The following SSC5D variants were observed in gnomAD, a reference collection of about 807,000 sequenced individuals.
SSC5D encodes the protein scavenger receptor cysteine rich family member with 5 domains.
A neutral mutation model predicts 104.6 loss-of-function variants in SSC5D; 106 were observed. That is an observed-to-expected ratio of 1.01 (90% confidence interval 0.87 to 1.19). The LOEUF is 1.19. Among genes scored for constraint, SSC5D ranks in the 50% most tolerant of loss-of-function variants. The probability of loss-of-function intolerance (pLI) is 0.00; values close to 1 mark genes in which losing one functional copy is unlikely to be tolerated. For synonymous variants in SSC5D, 860 were observed against 883.5 expected (o/e 0.97, Z 0.47); for missense variants, 1,993 against 2,153.8 (o/e 0.93, Z 1.48).
intron 12 of SSC5D, among the ~76,000 whole-genome samples, chr19:55,501,918 CCTCATCAT>C (rs1471023386): frequency 6.6e-6 from 1 of 151,942 alleles, no homozygotes; most frequent in African/African-American, 2.4e-5. Flanking sequence ...CATTTCTCAC[CCTCATCAT>C]CTCTATCTCT....
intron 12 of SSC5D, among the ~76,000 whole-genome samples, chr19:55,511,757 G>T (rs1252472918): frequency 6.6e-6 from 1 of 152,134 alleles, no homozygotes; most frequent in African/African-American, 2.4e-5. Context: ...TATGAAGGAA[G>T]ATGGTGTCTG....
intron 9 of SSC5D, among the ~76,000 whole-genome samples, chr19:55,498,546 C>A (rs4801703): frequency 0.4 from 61,403 of 151,976 alleles, 12,814 homozygotes; most frequent in South Asian, 0.56. Flanking sequence ...AGCTTTCCTA[C>A]GATGAAAGGA....
intron 12 of SSC5D, among the ~76,000 whole-genome samples, chr19:55,510,939 C>T (rs1164413728): frequency 4.6e-5 from 7 of 152,022 alleles, no homozygotes; most frequent in African/African-American, 1.7e-4. Flanking sequence ...CCACCATGCC[C>T]AGCTAATTTT....
rs1987488722 is a variant in SSC5D at position 55,501,073 on chromosome 19, A to AC, written c.2661dup (p.Thr888HisfsTer30). On this transcript the variant is annotated frameshift_variant, in exon 12 of 14. Transcript: ENST00000389623. LOFTEE classifies it high-confidence loss of function. ...GACGATTATCCCCCCTGGACCTGGGACCCCACCTCAAGAGAGGACCTGGCC... is the reference window on the plus strand; with the variant it reads ...GACGATTATCCCCCCTGGACCTGGGACCCCCACCTCAAGAGAGGACCTGGCC... 1 of 1,551,586 alleles carries AC rather than the reference A, an allele frequency of 6.4e-7. No homozygotes were observed. The highest frequency in any genetic ancestry group is 1.4e-5 in the African/African-American group (1 of 72,960).
At chr19:55,506,435 C>T (rs1177420585) in intron 12 of SSC5D, among the ~76,000 whole-genome samples, 2 of 113,638 alleles carry the variant, frequency 1.8e-5, no homozygotes, top group African/African-American at 6.8e-5. Context: ...CGCTCTGTCG[C>T]CCAGGCTGGA....
intron 8 of SSC5D, among the ~76,000 whole-genome samples, chr19:55,495,233 A>ATATATATTTTTTT (rs1555765051): frequency 1.2e-4 from 6 of 50,664 alleles, no homozygotes; most frequent in African/African-American, 4.9e-4. Context: ...ATATATATAT[A>ATATATATTTTTTT]TTTTTTTTTT....
At chr19:55,514,459 G>A (rs1337536229) in intron 13 of SSC5D, among the ~76,000 whole-genome samples, 4 of 130,148 alleles carry the variant, frequency 3.1e-5, no homozygotes, top group Admixed American at 7.9e-5. Flanking sequence ...AATAATAATA[G>A]GTGTGGTGGC....
intron 12 of SSC5D, among the ~76,000 whole-genome samples, chr19:55,501,554 C>T (rs186011686): frequency 2.6e-4 from 40 of 152,326 alleles, no homozygotes; most frequent in Non-Finnish European, 1.9e-4. Context: ...CCAGAGCAAG[C>T]GAAACCTCAC....
intron 7 of SSC5D, 72 bp downstream of exon 7, chr19:55,493,984 G>GGGC (rs1244003362): frequency 1.7e-5 from 5 of 296,458 alleles, no homozygotes; most frequent in African/African-American, 5.8e-5. Flanking sequence ...AGTTCGGCGG[G>GGGC]GGCGGGGGGG....
intron 12 of SSC5D, among the ~76,000 whole-genome samples, chr19:55,509,881 GAA>G (rs11335888): frequency 2.2e-5 from 3 of 137,182 alleles, no homozygotes; most frequent in Non-Finnish European, 3.1e-5. Flanking sequence ...AAGAGAAAAA[GAA>G]AAAAAAAAGA....
At chr19:55,502,682 A>T (rs1987537055) in intron 12 of SSC5D, among the ~76,000 whole-genome samples, 1 of 151,618 alleles carries the variant, frequency 6.6e-6, no homozygotes, top group South Asian at 2.1e-4. Flanking sequence ...TTGAGACAGG[A>T]TCTTGCTCTG....
rs1216393369 is a variant in SSC5D, at chr19:55,517,281, C to T, written c.3005C>T (p.Thr1002Ile). 5 of 1,547,372 alleles carry T rather than the reference C, an allele frequency of 3.2e-6. No individual in the cohort carries two copies. The African/African-American group carries it at 6.8e-5, about 21-fold the overall frequency. The stretch of plus-strand genomic sequence containing the variant: ...CCACCGCGGCCCGCTGCGACCAGGA[C>T]AGCGCCCCCAACCCCGTCCCCAGGT... ...RRPPRPAATR[T>I]APPTPSPGPS... Residue 1002 changes from threonine (T) to isoleucine (I), a missense_variant, in exon 14 of 14, where the codon ACA (threonine) becomes ATA (isoleucine). Transcript: ENST00000389623.
At chr19:55,488,962 C>G (rs779840978) in intron 1 of SSC5D, 44 bp from the exon 2 acceptor site, 146 of 1,485,462 alleles carry the variant, frequency 9.8e-5, no homozygotes, top group Non-Finnish European at 1.3e-4. Flanking sequence ...GGGCCACCCC[C>G]GGCCTGCCCC....
Position 55,518,091 on chromosome 19 carries a change from C to G in SSC5D, c.3815C>G (p.Thr1272Ser). The G allele has an allele frequency of 1.3e-6, 2 of 1,495,474 alleles. No homozygotes were observed. The highest frequency in any genetic ancestry group is 1.8e-6 in the Non-Finnish European group (2 of 1,107,878). 92.6% of individuals were successfully genotyped at this position (1,495,474 alleles called of 1,614,324 possible). The stretch of plus-strand genomic sequence containing the variant: ...CAACCCTTCACCACCATGCAGCCCA[C>G]CACGATGCCTCATCCCACCACGACC... ...TPQPFTTMQPTTMPHPTTTPH... is the reference protein window; with the variant it reads ...TPQPFTTMQPSTMPHPTTTPH... Residue 1272 changes from threonine (T) to serine (S), a missense_variant, in exon 14 of 14, where the codon ACC (threonine) becomes AGC (serine). By Grantham distance (58) the Thr-to-Ser change is moderately conservative (BLOSUM62 1). Transcript: ENST00000389623.
Position 55,489,930 on chromosome 19 carries a change from G to A in SSC5D, c.410G>A (p.Gly137Glu), listed in dbSNP as rs1240088050. The part of the protein sequence containing the change: ...SRDDSTSPLD[G>E]APWPGLLLEL... ...GACGACTCAACATCTCCCCTGGATG[G>A]GGCTCCCTGGCCAGGGCTGTTGCTG... is the stretch of plus-strand genomic sequence containing the variant. Residue 137 changes from glycine to glutamate, a missense_variant, in exon 4 of 14, where the codon GGG becomes GAG. Transcript: ENST00000389623. 5.2e-6 allele frequency: 8 copies of A among 1,549,770 alleles called. No homozygotes were observed. The highest frequency in any genetic ancestry group is 1.7e-4 in the Middle Eastern group (1 of 6,012).
Position 55,494,687 on chromosome 19 carries a change from C to A in SSC5D, c.1291C>A (p.Pro431Thr). The change falls in exon 8 of 14, where the codon CCC becomes ACC. Residue 431 changes from proline (P) to threonine (T), a missense_variant. Pro to Thr is a conservative substitution (Grantham distance 38). Around this residue, in one of 6 missense-constraint regions of SSC5D, gnomAD observed 1,101 missense variants for 1,085.0 expected, o/e 1.01. Coordinates refer to ENST00000389623, the MANE Select transcript of SSC5D (RefSeq NM_001144950.2). ...NSTPREAASRPPSTMTSQAPG... is the reference protein window; with the variant it reads ...NSTPREAASRTPSTMTSQAPG... ...CACGCCCAGGGAGGCTGCCTCCAGG[C>A]CCCCGTCCACCATGACGAGCCAGGC... The A allele has an allele frequency of 4.5e-6, 7 of 1,550,330 alleles. No individual in the cohort carries two copies. The highest frequency in any genetic ancestry group is 6.1e-6 in the Non-Finnish European group (7 of 1,146,524).
At position 55,495,234 on chromosome 19, in the gene SSC5D, T is replaced by TATATATATATATATAA. The variant is rs56232242; in HGVS notation, c.1387+451_1387+452insATATATATATATATAA. ...CTCCTTTCATATATATATATATATA[T>TATATATATATATATAA]TTTTTTTTTTTTTTTTTTTTTTTTT... On this transcript the variant is annotated intron_variant, in intron 8 of 13. Transcript: ENST00000389623. Among the ~76,000 whole-genome samples the TATATATATATATATAA allele has an allele frequency of 2.2e-4, 5 of 22,244 alleles. No homozygotes were observed. In the East Asian group the frequency reaches 9.5e-3, roughly 42 times the overall value. The allele number at this position is 22,244 out of a possible 152,430, so 14.6% of individuals were successfully genotyped here. A position where few individuals can be genotyped will look rare whatever the true frequency, so the allele number is the denominator to read the frequency against.
At chr19:55,507,177 A>C (rs1451778557) in intron 12 of SSC5D, among the ~76,000 whole-genome samples, 7 of 150,756 alleles carry the variant, frequency 4.6e-5, no homozygotes, top group Non-Finnish European at 1.5e-5. Flanking sequence ...AAAATAAATA[A>C]ATAAAAATAA....
chr19:55,505,898 G>A lies in SSC5D; in HGVS notation c.2785+4697G>A, dbSNP rs537906289. On this transcript the variant is annotated intron_variant, in intron 12 of 13. Coordinates refer to ENST00000389623, the MANE Select transcript of SSC5D (RefSeq NM_001144950.2). Reference sequence around the variant, plus strand: ...ATTACAGGCGTGTGCCACCACTCCCGGCTAATTTTTGTATTTTTAGTAGAG... The same window carrying A: ...ATTACAGGCGTGTGCCACCACTCCCAGCTAATTTTTGTATTTTTAGTAGAG... 1.3e-4 allele frequency among the ~76,000 whole-genome samples: 19 copies of A among 151,640 alleles called. No homozygotes were observed. The East Asian group carries it at 2.3e-3, about 18-fold the overall frequency.
Sources: gnomAD v4.1 joint callset for allele counts (sites outside exome capture counted in the v4.1 genomes callset) on GRCh38, gnomAD v4.1.1 for gene constraint, gnomAD v4.1.1 regional missense constraint, MANE v1.5 for transcripts, NCBI Gene and HGNC (gene_info 2026-07-23, HGNC 2026-07-21) for gene names.